ZMYND8: variants seen among roughly 807,000 people sequenced by gnomAD.
ZMYND8 encodes zinc finger MYND-type containing 8, also known as MYND-type zinc finger-containing chromatin reader ZMYND8.
ZMYND8 carries 37 observed loss-of-function variants against 140.8 expected under a neutral mutation model. The ratio of observed to expected loss-of-function variants is 0.26; its 90% CI spans 0.20 to 0.35. The LOEUF (loss-of-function observed/expected upper bound fraction) is 0.35. Ranked by LOEUF, ZMYND8 falls within the 10% of genes least tolerant of loss-of-function variation. ZMYND8 has a pLI of 1.00. For synonymous variants in ZMYND8, 592 were observed against 597.1 expected (o/e 0.99, Z 0.12); for missense variants, 1,068 against 1,570.0 (o/e 0.68, Z 5.40).
intron 2 of ZMYND8, among the ~76,000 whole-genome samples, chr20:47,311,138 G>C (rs912465561): frequency 3.9e-5 from 6 of 152,202 alleles, no homozygotes; most frequent in African/African-American, 1.4e-4. Flanking sequence ...AACTGTAATT[G>C]TGTGGAAAGA....
At chr20:47,252,268 G>A (rs1159141900) in intron 12 of ZMYND8, among the ~76,000 whole-genome samples, 1 of 143,178 alleles carries the variant, frequency 7.0e-6, no homozygotes, top group South Asian at 2.2e-4. Context: ...CTCCAGCCTG[G>A]GCGACAGAGC....
At chr20:47,331,879 C>G (rs900937837) in intron 2 of ZMYND8, among the ~76,000 whole-genome samples, 1 of 152,112 alleles carries the variant, frequency 6.6e-6, no homozygotes, top group African/African-American at 2.4e-5. Flanking sequence ...TTGGAGCTTG[C>G]AGGACAAAGA....
chr20:47,230,239 T>C (rs1451248354), intron 16 of ZMYND8, among the ~76,000 whole-genome samples: 1 of 152,034 alleles, frequency 6.6e-6, no homozygotes, highest in Non-Finnish European at 1.5e-5. Context: ...ATACTACAGT[T>C]TGGCTGAAAC....
At position 47,229,675 on chromosome 20, in the gene ZMYND8, C is replaced by T. The variant is rs3746488; in HGVS notation, c.2937+51G>A. On this transcript the variant is annotated intron_variant, in intron 17 of 22. Transcript: ENST00000471951. ...CTTCTTCATGGTACCACCTTTAAAGCAGCCCACAAAACACTCTTAGCAAAT... is the reference window on the plus strand; with the variant it reads ...CTTCTTCATGGTACCACCTTTAAAGTAGCCCACAAAACACTCTTAGCAAAT... 15,705 of 1,565,954 alleles carry T rather than the reference C, an allele frequency of 0.01. 867 individuals are homozygous for T. In the East Asian group the frequency reaches 0.18, roughly 17 times the overall value.
chr20:47,232,907 T>TTTTTTTTG (rs1491560960), intron 16 of ZMYND8, among the ~76,000 whole-genome samples: 1 of 7,544 alleles, frequency 1.3e-4, no homozygotes, highest in African/African-American at 1.7e-4. Context: ...GTTTTTTTTG[T>TTTTTTTTG]TTTTTTTTTT....
intron 3 of ZMYND8, among the ~76,000 whole-genome samples, chr20:47,299,904 C>A (rs914620188): frequency 2.0e-5 from 3 of 152,130 alleles, no homozygotes; most frequent in Non-Finnish European, 4.4e-5. Flanking sequence ...TTTAAGTTTA[C>A]CCCCAATACA....
chr20:47,320,065 A>G (rs1013147492), intron 2 of ZMYND8: 21 of 152,206 alleles, frequency 1.4e-4, no homozygotes, highest in African/African-American at 4.8e-4. Flanking sequence ...GGTTCTGGAA[A>G]TCTCCGGTGG....
chr20:47,319,741 G>GC (rs1473476331), intron 2 of ZMYND8: 1 of 152,152 alleles, frequency 6.6e-6, no homozygotes, highest in Non-Finnish European at 1.5e-5. Flanking sequence ...CTGGGATGAG[G>GC]CCCTCTGGAA....
intron 11 of ZMYND8, among the ~76,000 whole-genome samples, chr20:47,271,090 A>G (rs1276162195): frequency 6.6e-6 from 1 of 152,126 alleles, no homozygotes; most frequent in Non-Finnish European, 1.5e-5. Context: ...AGAAAAAAAA[A>G]AGAAAGAAAA....
chr20:47,287,645 A>G (rs2077005103), intron 7 of ZMYND8, among the ~76,000 whole-genome samples: 1 of 152,214 alleles, frequency 6.6e-6, no homozygotes, highest in Admixed American at 6.5e-5. Flanking sequence ...AGAATACAAG[A>G]GAAAGAAGAC....
At chr20:47,278,816 G>A (rs567792205) in intron 10 of ZMYND8, among the ~76,000 whole-genome samples, 1 of 152,004 alleles carries the variant, frequency 6.6e-6, no homozygotes, top group Admixed American at 6.5e-5. Context: ...TTTGCCTCAC[G>A]GTGAGATTCT....
intron 11 of ZMYND8, among the ~76,000 whole-genome samples, chr20:47,275,967 A>C (rs2076232642): frequency 6.6e-6 from 1 of 152,234 alleles, no homozygotes; most frequent in African/African-American, 2.4e-5. Flanking sequence ...ATATGAATGT[A>C]GGGTTTTGAC....
chr20:47,250,623 G>A (rs2074094799), intron 12 of ZMYND8, among the ~76,000 whole-genome samples: 1 of 152,198 alleles, frequency 6.6e-6, no homozygotes, highest in Admixed American at 6.5e-5. Flanking sequence ...AATCTAGTCT[G>A]AGAGCTGGGC....
chr20:47,356,327 G>C (rs1229205608), intron 1 of ZMYND8: 1 of 1,396,430 alleles, frequency 7.2e-7, no homozygotes, highest in Non-Finnish European at 9.4e-7. Context: ...AGAGGGAAGA[G>C]GGAAAGAAAA....
chr20:47,311,031 AAG>A (rs1353359867), intron 2 of ZMYND8, among the ~76,000 whole-genome samples: 1 of 152,196 alleles, frequency 6.6e-6, no homozygotes, highest in East Asian at 1.9e-4. Context: ...CAGGAAACCA[AAG>A]AAGATAGACC....
chr20:47,331,876 T>C (rs1301428897), intron 2 of ZMYND8, among the ~76,000 whole-genome samples: 1 of 152,110 alleles, frequency 6.6e-6, no homozygotes, highest in Non-Finnish European at 1.5e-5. Context: ...ACATTGGAGC[T>C]TGCAGGACAA....
At chr20:47,347,759 G>A (rs752833151) in intron 2 of ZMYND8, 97 bp downstream of exon 2, 13 of 1,207,354 alleles carry the variant, frequency 1.1e-5, no homozygotes, top group Non-Finnish European at 1.5e-5. Flanking sequence ...TACAACGTCG[G>A]CTCAGAGAGC....
intron 2 of ZMYND8, among the ~76,000 whole-genome samples, chr20:47,338,167 A>G (rs549750800): frequency 6.6e-6 from 1 of 152,256 alleles, no homozygotes; most frequent in East Asian, 1.9e-4. Flanking sequence ...TGGTGGGTCC[A>G]GGTGTCCAGG....
chr20:47,214,014 C>T (rs57927394), intron 21 of ZMYND8, among the ~76,000 whole-genome samples: 10,937 of 152,104 alleles, frequency 0.072, 573 homozygotes, highest in South Asian at 0.17. Flanking sequence ...GAGAGGCCCA[C>T]ACACTAAGGG....
Sources: allele counts gnomAD v4.1 joint callset (sites outside exome capture counted in the v4.1 genomes callset), GRCh38; gene constraint gnomAD v4.1.1; transcripts MANE v1.5; gene names NCBI Gene and HGNC (gene_info 2026-07-23, HGNC 2026-07-21).